The following RABEP1 variants were observed in gnomAD, a reference collection of about 807,000 sequenced individuals.
RABEP1 encodes the protein rabaptin, RAB GTPase binding effector protein 1.
A neutral mutation model predicts 123.4 loss-of-function variants in RABEP1; 51 were observed. The ratio of observed to expected loss-of-function variants is 0.41; its 90% CI spans 0.33 to 0.52. The LOEUF (loss-of-function observed/expected upper bound fraction) is 0.52. Ranked by LOEUF, RABEP1 falls within the 20% of genes least tolerant of loss-of-function variation. The pLI is 0.16. For missense variants in RABEP1, 888 were observed against 996.3 expected, an observed-to-expected ratio of 0.89 and a Z score of 1.46; for synonymous variants, 347 against 355.2, an observed-to-expected ratio of 0.98 and a Z score of 0.26.
chr17:5,345,795 G>A (rs1908016853), intron 5 of RABEP1, among the ~76,000 whole-genome samples: 1 of 152,132 alleles, frequency 6.6e-6, no homozygotes, highest in Non-Finnish European at 1.5e-5. Flanking sequence ...GCCACTTTAA[G>A]TTTGAAGAAA....
Position 5,370,121 on chromosome 17 carries a change from C to A in RABEP1, c.1884+1653C>A, listed in dbSNP as rs115241226. ...AATTAAGGTTGAGGTCCTATGAACT[C>A]CAGTACATGACCATTTTGTTGAAAT... On this transcript the variant is annotated intron_variant, in intron 12 of 17. Coordinates refer to ENST00000537505, the MANE Select transcript of RABEP1 (RefSeq NM_004703.6). 4.2e-3 allele frequency among the ~76,000 whole-genome samples: 640 copies of A among 152,294 alleles called. 4 individuals are homozygous for A. Among genetic ancestry groups the A allele is most frequent in the African/African-American group, 0.015 (620 of 41,558 alleles).
chr17:5,372,939 G>T (rs1435142821), intron 12 of RABEP1, among the ~76,000 whole-genome samples: 2 of 152,090 alleles, frequency 1.3e-5, no homozygotes, highest in Non-Finnish European at 2.9e-5. Flanking sequence ...CTGCATTTTA[G>T]TAGAGACAGG....
chr17:5,374,817 A>G (rs1302153202), intron 13 of RABEP1, among the ~76,000 whole-genome samples: 2 of 151,910 alleles, frequency 1.3e-5, no homozygotes, highest in Non-Finnish European at 2.9e-5. Context: ...TTTTTAAAAT[A>G]TTTTTTAGTA....
chr17:5,288,954 C>T (rs2075005572), intron 1 of RABEP1, among the ~76,000 whole-genome samples: 1 of 152,070 alleles, frequency 6.6e-6, no homozygotes, highest in Non-Finnish European at 1.5e-5. Context: ...TATCCACCCT[C>T]CTTGGCCTCC....
At chr17:5,289,698 G>C (rs1294820808) in intron 1 of RABEP1, among the ~76,000 whole-genome samples, 2 of 152,094 alleles carry the variant, frequency 1.3e-5, no homozygotes, top group African/African-American at 4.8e-5. Flanking sequence ...CTCGCTTCCA[G>C]GGCTGAGGCA....
intron 12 of RABEP1, among the ~76,000 whole-genome samples, chr17:5,369,798 T>G (rs896504115): frequency 6.6e-6 from 1 of 152,086 alleles, no homozygotes; most frequent in African/African-American, 2.4e-5. Context: ...CCTCCTGGGT[T>G]CAAGTGATTC....
intron 5 of RABEP1, 48 bp downstream of exon 5, chr17:5,338,186 C>T (rs1159066230): frequency 1.3e-6 from 2 of 1,553,072 alleles, no homozygotes; most frequent in South Asian, 1.2e-5. Flanking sequence ...GTTTCTGCCC[C>T]AATGCCATGA....
chr17:5,286,629 A>G (rs1481046611), intron 1 of RABEP1, among the ~76,000 whole-genome samples: 2 of 152,222 alleles, frequency 1.3e-5, no homozygotes, highest in Non-Finnish European at 2.9e-5. Context: ...TGAATCATTC[A>G]GCCATTAATT....
chr17:5,329,195 G>A (rs1906280812), intron 2 of RABEP1, among the ~76,000 whole-genome samples: 1 of 151,912 alleles, frequency 6.6e-6, no homozygotes, highest in African/African-American at 2.4e-5. Context: ...TATTTCTGGG[G>A]CTTGCTTTAA....
At chr17:5,308,106 A>T (rs115993580) in intron 1 of RABEP1, among the ~76,000 whole-genome samples, 1 of 152,198 alleles carries the variant, frequency 6.6e-6, no homozygotes, top group Non-Finnish European at 1.5e-5. Flanking sequence ...ATTCAGTTGC[A>T]CAAAGGCACT....
At chr17:5,319,234 G>A (rs1408040563) in intron 2 of RABEP1, among the ~76,000 whole-genome samples, 1 of 149,590 alleles carries the variant, frequency 6.7e-6, no homozygotes, top group Admixed American at 6.7e-5. Flanking sequence ...GGAGGCTGAG[G>A]CAGGGGAATT....
rs190265765 is a variant in RABEP1, at chr17:5,371,946, G to A, written c.1885-1368G>A. On this transcript the variant is annotated intron_variant, in intron 12 of 17. Transcript: ENST00000537505. Reference sequence around the variant, plus strand: ...GAGTAGTAGCTGCACAATAAACATCGTATGAGAGCATCATCTACATGTATG... The same window carrying A: ...GAGTAGTAGCTGCACAATAAACATCATATGAGAGCATCATCTACATGTATG... Among the ~76,000 whole-genome samples the A allele has an allele frequency of 2.5e-3, 387 of 152,114 alleles. 2 individuals are homozygous for A. The highest frequency in any genetic ancestry group is 6.8e-3 in the Middle Eastern group (2 of 294).
intron 11 of RABEP1, among the ~76,000 whole-genome samples, chr17:5,366,577 C>G (rs1910013078): frequency 2.0e-5 from 3 of 152,072 alleles, no homozygotes; most frequent in East Asian, 3.9e-4. Context: ...TCCTGAGTAG[C>G]TGGGATTACA....
At chr17:5,299,375 G>A (rs899309293) in intron 1 of RABEP1, among the ~76,000 whole-genome samples, 1 of 150,238 alleles carries the variant, frequency 6.7e-6, no homozygotes, top group Non-Finnish European at 1.5e-5. Flanking sequence ...TAGGTGTGTA[G>A]CAGGTTTTTT....
At position 5,346,809 on chromosome 17, in the gene RABEP1, A is replaced by T; in HGVS notation, c.668A>T (p.Tyr223Phe). The change falls in exon 6 of 18, where the codon TAT becomes TTT. Residue 223 changes from tyrosine (Y) to phenylalanine (F), a missense_variant. Tyr to Phe is a conservative substitution (Grantham distance 22). Coordinates refer to ENST00000537505, the MANE Select transcript of RABEP1 (RefSeq NM_004703.6). ...TTTCAGGTTAAAGAACTGAATCATT[A>T]TCTGGAAGCTGAGAAATCTTGTAGG... Reference protein sequence around the residue: ...EASKVKELNHYLEAEKSCRTD... With the variant: ...EASKVKELNHFLEAEKSCRTD... The T allele has an allele frequency of 6.3e-7, 1 of 1,575,640 alleles. No homozygotes were observed. Among genetic ancestry groups the T allele is most frequent in the East Asian group, 2.3e-5 (1 of 44,046 alleles).
intron 1 of RABEP1, among the ~76,000 whole-genome samples, chr17:5,296,474 C>T (rs979920931): frequency 2.0e-5 from 3 of 152,152 alleles, no homozygotes; most frequent in South Asian, 2.1e-4. Context: ...TTGATGAGGC[C>T]GGTCTCAAAC....
At chr17:5,371,006 G>A (rs897462582) in intron 12 of RABEP1, among the ~76,000 whole-genome samples, 1 of 150,006 alleles carries the variant, frequency 6.7e-6, no homozygotes, top group African/African-American at 2.5e-5. Flanking sequence ...TTGCTCTGTC[G>A]CCCAGGTTGG....
rs951434269 is a variant in RABEP1, at chr17:5,384,750, C to T, written c.*1527C>T. 6 of 187,280 alleles carry T rather than the reference C, an allele frequency of 3.2e-5. No individual in the cohort carries two copies. The highest frequency in any genetic ancestry group is 7.9e-5 in the African/African-American group (3 of 37,740). 11.6% of individuals were successfully genotyped at this position (187,280 alleles called of 1,614,324 possible). A position where few individuals can be genotyped will look rare whatever the true frequency, so the allele number is the denominator to read the frequency against. On this transcript the variant is annotated 3_prime_UTR_variant, in exon 18 of 18. Coordinates refer to ENST00000537505, the MANE Select transcript of RABEP1 (RefSeq NM_004703.6). ...TATGGAAATAGTACTAAAGGCTTGC[C>T]GCACATGAAACATTATTTTAATTGG... is the stretch of plus-strand genomic sequence containing the variant.
chr17:5,345,856 C>A (rs1023563757), intron 5 of RABEP1, among the ~76,000 whole-genome samples: 1 of 152,008 alleles, frequency 6.6e-6, no homozygotes, highest in African/African-American at 2.4e-5. Context: ...TTAGATATAA[C>A]CATTTGAAAA....
Sources: gnomAD v4.1 joint callset for allele counts (sites outside exome capture counted in the v4.1 genomes callset) on GRCh38, gnomAD v4.1.1 for gene constraint, MANE v1.5 for transcripts, NCBI Gene and HGNC (gene_info 2026-07-23, HGNC 2026-07-21) for gene names.